G3BP2: variants seen among roughly 807,000 people sequenced by gnomAD.
G3BP2 encodes the protein ras GTPase-activating protein-binding protein 2.
Under a neutral mutation model 56.7 loss-of-function variants are expected in G3BP2, and 11 were observed. The observed-to-expected ratio is 0.19, with a 90% CI of 0.12 to 0.32. The LOEUF is 0.32. Ranked by LOEUF, G3BP2 falls within the 10% of genes least tolerant of loss-of-function variation. The pLI is 1.00. For missense variants in G3BP2, 340 were observed against 610.9 expected, an observed-to-expected ratio of 0.56 and a Z score of 4.67; for synonymous variants, 165 against 191.6, an observed-to-expected ratio of 0.86 and a Z score of 1.15.
At chr4:75,673,531 C>T (rs149068893), upstream of G3BP2, 556 of 1,232,230 alleles carry the variant, frequency 4.5e-4, 3 homozygotes, top group African/African-American at 7.7e-3. Flanking sequence ...CCAACCTTCC[C>T]GTGTCCCTCT....
chr4:75,718,445 C>A (rs1720014857), intron 3 of G3BP2, among the ~76,000 whole-genome samples: 1 of 152,050 alleles, frequency 6.6e-6, no homozygotes, highest in Non-Finnish European at 1.5e-5. Flanking sequence ...CTAGCATACA[C>A]TAGTGATAAG....
chr4:75,667,916 C>T (rs1733185219), intron 1 of G3BP2, among the ~76,000 whole-genome samples: 1 of 152,114 alleles, frequency 6.6e-6, no homozygotes, highest in Non-Finnish European at 1.5e-5. Flanking sequence ...AAAACATTAT[C>T]CAGTATAGTT....
chr4:75,645,416 C>A lies in G3BP2; in HGVS notation c.*14G>T, dbSNP rs764173355. The A allele has an allele frequency of 6.2e-7, 1 of 1,606,162 alleles. No individual in the cohort carries two copies. The highest frequency in any genetic ancestry group is 1.1e-5 in the South Asian group (1 of 90,618). ...ATAATGTACCACTGCCAAGACTTTG[C>A]CAACAGTGGAGCTTCAGCGACGCTG... On this transcript the variant is annotated 3_prime_UTR_variant, in exon 12 of 12. Coordinates refer to ENST00000359707, the MANE Select transcript of G3BP2 (RefSeq NM_203505.3).
intron 8 of G3BP2, among the ~76,000 whole-genome samples, chr4:75,650,672 A>T (rs1197095116): frequency 6.6e-6 from 1 of 152,100 alleles, no homozygotes; most frequent in African/African-American, 2.4e-5. Context: ...TTTTGTTGTT[A>T]TTTATATGTA....
At chr4:75,671,339 T>G (rs948375124) in intron 1 of G3BP2, among the ~76,000 whole-genome samples, 1 of 152,210 alleles carries the variant, frequency 6.6e-6, no homozygotes, top group African/African-American at 2.4e-5. Context: ...TCAATCCTAA[T>G]TATGCGTAAT....
intron 8 of G3BP2, among the ~76,000 whole-genome samples, chr4:75,652,730 A>AC (rs1355370527): frequency 1.4e-4 from 21 of 152,252 alleles, no homozygotes; most frequent in African/African-American, 4.8e-4. Context: ...TCTGTGAGTT[A>AC]CTCTAGACCT....
chr4:75,712,939 G>A (rs548799081), intron 3 of G3BP2, among the ~76,000 whole-genome samples: 12 of 152,242 alleles, frequency 7.9e-5, no homozygotes, highest in African/African-American at 2.9e-4. Context: ...CTATAGTATA[G>A]TGACTAGACT....
chr4:75,681,706 G>A (rs774260393), intron 3 of G3BP2, among the ~76,000 whole-genome samples: 44 of 151,666 alleles, frequency 2.9e-4, no homozygotes, highest in Non-Finnish European at 4.0e-4. Flanking sequence ...AAACTTAGCC[G>A]GGCGTGGTGG....
At chr4:75,717,153 G>A (rs1426785841) in intron 3 of G3BP2, among the ~76,000 whole-genome samples, 1 of 152,070 alleles carries the variant, frequency 6.6e-6, no homozygotes, top group African/African-American at 2.4e-5. Flanking sequence ...TTAAAAAACT[G>A]GAATTATGGC....
At chr4:75,685,500 C>CAA (rs36037063) in intron 3 of G3BP2, among the ~76,000 whole-genome samples, 112 of 84,512 alleles carry the variant, frequency 1.3e-3, no homozygotes, top group Middle Eastern at 6.1e-3. Flanking sequence ...GACTCCGTCT[C>CAA]AAAAAAAAAA....
chr4:75,701,958 G>A (rs943511578), intron 3 of G3BP2, among the ~76,000 whole-genome samples: 1 of 152,128 alleles, frequency 6.6e-6, no homozygotes, highest in African/African-American at 2.4e-5. Flanking sequence ...GAGTCTCCCA[G>A]TATAATTCAA....
At chr4:75,665,938 T>C (rs933064416) in intron 1 of G3BP2, among the ~76,000 whole-genome samples, 6 of 152,232 alleles carry the variant, frequency 3.9e-5, no homozygotes, top group Admixed American at 6.5e-5. Flanking sequence ...GGTTTGGGAA[T>C]TGTTTTCTTC....
chr4:75,666,605 G>T (rs957706667), intron 1 of G3BP2, among the ~76,000 whole-genome samples: 1 of 152,166 alleles, frequency 6.6e-6, no homozygotes, highest in Admixed American at 6.5e-5. Flanking sequence ...CGTGGTTTGG[G>T]TATTGCAGGA....
At chr4:75,707,360 G>A (rs561829693) in intron 3 of G3BP2, among the ~76,000 whole-genome samples, 1 of 152,074 alleles carries the variant, frequency 6.6e-6, no homozygotes, top group Admixed American at 6.5e-5. Context: ...CGTGGCTCAC[G>A]CTTGTAATCC....
At chr4:75,648,030 T>C (rs1731360275) in intron 9 of G3BP2, among the ~76,000 whole-genome samples, 1 of 152,178 alleles carries the variant, frequency 6.6e-6, no homozygotes, top group Admixed American at 6.5e-5. Context: ...GAGTAGGTTA[T>C]TGGCAGCTTG....
At chr4:75,704,189 T>C (rs1452475330) in intron 3 of G3BP2, among the ~76,000 whole-genome samples, 1 of 151,326 alleles carries the variant, frequency 6.6e-6, no homozygotes, top group Non-Finnish European at 1.5e-5. Flanking sequence ...CGGCTAATTT[T>C]TGTATTTTTA....
upstream of G3BP2, among the ~76,000 whole-genome samples, chr4:75,674,793 G>T (rs1458892907): frequency 6.9e-6 from 1 of 145,302 alleles, no homozygotes; most frequent in African/African-American, 2.6e-5. Context: ...CACGGTCTTG[G>T]CTCACTGCAA....
chr4:75,704,105 G>A (rs559798365), intron 3 of G3BP2, among the ~76,000 whole-genome samples: 33 of 149,618 alleles, frequency 2.2e-4, no homozygotes, highest in Admixed American at 6.0e-4. Flanking sequence ...TGCAACCTCC[G>A]CCTCCTGGGT....
chr4:75,701,620 G>T (rs1486694405), intron 3 of G3BP2, among the ~76,000 whole-genome samples: 2 of 151,976 alleles, frequency 1.3e-5, no homozygotes, highest in African/African-American at 2.4e-5. Flanking sequence ...TAGGGATGGG[G>T]TTTCACCATG....
Sources: gnomAD v4.1 joint callset for allele counts (sites outside exome capture counted in the v4.1 genomes callset) on GRCh38, gnomAD v4.1.1 for gene constraint, MANE v1.5 for transcripts, NCBI Gene and HGNC (gene_info 2026-07-23, HGNC 2026-07-21) for gene names.